Variants in PPARD observed in about 807,000 individuals in gnomAD.
PPARD encodes peroxisome proliferator-activated receptor delta.
A neutral mutation model predicts 39.5 loss-of-function variants in PPARD; 6 were observed. The observed-to-expected ratio is 0.15, with a 90% confidence interval of 0.08 to 0.30. The LOEUF (loss-of-function observed/expected upper bound fraction) is 0.30, where lower values mean the gene tolerates loss of function less well. PPARD is among the 10% of genes least tolerant of loss of function. The probability of loss-of-function intolerance (pLI) is 1.00; values close to 1 mark genes in which losing one functional copy is unlikely to be tolerated. For missense variants in PPARD, 397 were observed against 596.8 expected, an observed-to-expected ratio of 0.67 and a Z score of 3.49; for synonymous variants, 210 against 231.3, an observed-to-expected ratio of 0.91 and a Z score of 0.83.
intron 2 of PPARD, among the ~76,000 whole-genome samples, chr6:35,376,795 G>A (rs945220138): frequency 2.6e-5 from 4 of 151,230 alleles, no homozygotes; most frequent in African/African-American, 9.7e-5. Context: ...CCGAGGCAGG[G>A]GGATCATGAG....
intron 1 of PPARD, among the ~76,000 whole-genome samples, chr6:35,345,684 G>A (rs187694111): frequency 1.3e-5 from 2 of 152,074 alleles, no homozygotes; most frequent in East Asian, 3.9e-4. Flanking sequence ...TCCCTTAGAC[G>A]CCTTCCCTTA....
chr6:35,399,399 CAAAA>C (rs10539871), intron 2 of PPARD, among the ~76,000 whole-genome samples: 12 of 95,474 alleles, frequency 1.3e-4, no homozygotes, highest in South Asian at 3.5e-4. Context: ...GACTCTGTCT[CAAAA>C]AAAAAAAAAA....
chr6:35,390,429 G>A (rs1173766285), intron 2 of PPARD, among the ~76,000 whole-genome samples: 3 of 152,156 alleles, frequency 2.0e-5, no homozygotes, highest in East Asian at 1.9e-4. Flanking sequence ...GCTACTAGGT[G>A]GAATGTTGCC....
chr6:35,399,384 AGTG>A (rs1562206898), intron 2 of PPARD, among the ~76,000 whole-genome samples: 2 of 133,750 alleles, frequency 1.5e-5, no homozygotes. Context: ...TGGACGACAA[AGTG>A]AGACTCTGTC....
rs1185465004 is a variant in PPARD at position 35,427,176 on chromosome 6, G to C, written c.*1097G>C. The C allele has an allele frequency of 6.4e-6, 1 of 157,024 alleles. No homozygotes were observed. Among genetic ancestry groups the C allele is most frequent in the Non-Finnish European group, 1.4e-5 (1 of 71,154 alleles). 9.7% of individuals were successfully genotyped at this position (157,024 alleles called of 1,614,324 possible). ...CCAGGGCCTGGCCTCACATCCCCCT[G>C]CTCCTTTCTCTAGCTGGCTCCACGG... On this transcript the variant is annotated 3_prime_UTR_variant, in exon 8 of 8. Transcript: ENST00000360694.
At chr6:35,358,160 G>A (rs894750136) in intron 2 of PPARD, among the ~76,000 whole-genome samples, 2 of 152,186 alleles carry the variant, frequency 1.3e-5, no homozygotes, top group Admixed American at 1.3e-4. Context: ...CCTTATGAGT[G>A]GGGGCCAGAG....
intron 5 of PPARD, among the ~76,000 whole-genome samples, chr6:35,423,129 G>T (rs1766303295): frequency 6.6e-6 from 1 of 151,512 alleles, no homozygotes; most frequent in Non-Finnish European, 1.5e-5. Context: ...TACTCAGAAG[G>T]CTGAGGCGGG....
At chr6:35,422,505 G>A (rs758995854) in intron 5 of PPARD, among the ~76,000 whole-genome samples, 3 of 152,120 alleles carry the variant, frequency 2.0e-5, no homozygotes, top group Admixed American at 1.3e-4. Flanking sequence ...CCTTGTCTTC[G>A]GACCCCAGGG....
intron 2 of PPARD, among the ~76,000 whole-genome samples, chr6:35,399,650 T>G (rs759575733): frequency 5.9e-5 from 9 of 152,066 alleles, no homozygotes; most frequent in Non-Finnish European, 1.0e-4. Context: ...AGGAGGTGGT[T>G]CAGTGAACTG....
chr6:35,427,251 A>G lies in PPARD; in HGVS notation c.*1172A>G. ...AGCTGCCCCTCCAGCACACACACAT[A>G]AGCACTGAAATCACTTTACCTGCAG... On this transcript the variant is annotated 3_prime_UTR_variant, in exon 8 of 8. Transcript: ENST00000360694. 1 of 159,100 alleles carries G rather than the reference A, an allele frequency of 6.3e-6. No individual in the cohort carries two copies. Among genetic ancestry groups the G allele is most frequent in the Non-Finnish European group, 1.4e-5 (1 of 72,398 alleles). The allele number at this position is 159,100 out of a possible 1,614,324, so 9.9% of individuals were successfully genotyped here. A position where few individuals can be genotyped will look rare whatever the true frequency, so the allele number is the denominator to read the frequency against.
chr6:35,349,687 G>GTT (rs111494920), intron 2 of PPARD, among the ~76,000 whole-genome samples: 1 of 149,986 alleles, frequency 6.7e-6, no homozygotes, highest in African/African-American at 2.5e-5. Flanking sequence ...GTTTGTTTTT[G>GTT]TTTTTTTTTA....
intron 2 of PPARD, among the ~76,000 whole-genome samples, chr6:35,384,769 C>T (rs2150615395): frequency 4.6e-5 from 2 of 43,326 alleles, no homozygotes; most frequent in Admixed American, 1.6e-4. Flanking sequence ...GGCCAGCCGC[C>T]CCATCCGGGA....
At chr6:35,391,646 C>T (rs1345333552) in intron 2 of PPARD, among the ~76,000 whole-genome samples, 2 of 152,296 alleles carry the variant, frequency 1.3e-5, no homozygotes, top group East Asian at 1.9e-4. Context: ...GGAAAAGAGA[C>T]GACTGTTTTC....
At chr6:35,397,258 T>C (rs375163935) in intron 2 of PPARD, among the ~76,000 whole-genome samples, 58 of 148,650 alleles carry the variant, frequency 3.9e-4, no homozygotes, top group Non-Finnish European at 7.1e-4. Context: ...CCTTGGGATC[T>C]GCTCAGCAAG....
intron 2 of PPARD, chr6:35,348,944 C>T (rs892446003): frequency 6.1e-6 from 6 of 985,228 alleles, no homozygotes; most frequent in Non-Finnish European, 7.2e-6. Context: ...AGCAATTGTA[C>T]GTGCATTTCC....
intron 2 of PPARD, among the ~76,000 whole-genome samples, chr6:35,393,002 G>T (rs997104245): frequency 2.0e-5 from 3 of 152,194 alleles, no homozygotes; most frequent in Admixed American, 6.5e-5. Flanking sequence ...AGAACTGAGA[G>T]ACCCTGAGGA....
intron 2 of PPARD, 73 bp from the exon 3 acceptor site, chr6:35,410,914 C>G (rs940652900): frequency 2.4e-6 from 3 of 1,251,332 alleles, no homozygotes; most frequent in Non-Finnish European, 3.0e-6. Flanking sequence ...AGCCCCCAAG[C>G]GTGCCCCACT....
chr6:35,420,346 A>G, intron 4 of PPARD, 65 bp downstream of exon 4: 1 of 1,498,914 alleles, frequency 6.7e-7, no homozygotes, highest in Non-Finnish European at 8.9e-7. Context: ...TTGACCCTCC[A>G]CAAAGCTTTC....
chr6:35,420,399 C>T (rs1208219758), intron 4 of PPARD, 118 bp downstream of exon 4: 1 of 1,353,940 alleles, frequency 7.4e-7, no homozygotes, highest in Non-Finnish European at 9.7e-7. Flanking sequence ...TTGCAGAATT[C>T]CTGCCCAGGA....
Sources: gnomAD v4.1 joint callset for allele counts (sites outside exome capture counted in the v4.1 genomes callset) on GRCh38, gnomAD v4.1.1 for gene constraint, MANE v1.5 for transcripts, NCBI Gene and HGNC (gene_info 2026-07-23, HGNC 2026-07-21) for gene names.